AK9: variants seen among roughly 807,000 people sequenced by gnomAD.
The protein encoded by AK9 is adenylate kinase domain containing 1.
A neutral mutation model predicts 239.6 loss-of-function variants in AK9; 191 were observed. The ratio of observed to expected loss-of-function variants is 0.80; its 90% CI spans 0.71 to 0.90. AK9 has a LOEUF of 0.90. Ranked by LOEUF, AK9 falls within the 40% of genes least tolerant of loss-of-function variation. AK9 has a pLI of 0.00. For synonymous variants in AK9, 689 were observed against 721.0 expected (o/e 0.96, Z 0.71); for missense variants, 1,995 against 2,214.7 (o/e 0.90, Z 1.99).
At position 109,516,588 on chromosome 6, in the gene AK9, C is replaced by T; in HGVS notation, c.3688G>A (p.Asp1230Asn). 1 of 1,550,918 alleles carries T rather than the reference C, an allele frequency of 6.4e-7. No homozygotes were observed. The highest frequency in any genetic ancestry group is 8.7e-7 in the Non-Finnish European group (1 of 1,146,882). The change falls in exon 30 of 41, where the codon GAT becomes AAT. Residue 1230 changes from aspartate to asparagine, a missense_variant. Physicochemically the swap from Asp to Asn is conservative, Grantham distance 23. This residue lies in a region of AK9 where 1,290 missense variants were observed against 1,392.7 expected (regional missense o/e 0.93). Transcript: ENST00000424296. ...TCTTCAAGGATGTTTTCAATATCAT[C>T]ATTGTCTTCTTCAAGTTCTTCCTCA... The part of the protein sequence containing the change: ...ISEEELEEDN[D>N]DIENILEDEF...
chr6:109,516,553 T>A lies in AK9; in HGVS notation c.3723A>T (p.Pro1241=), dbSNP rs1301107831. ...DIENILEDEF[P]KDEEEMSGEE... is the part of the protein sequence containing the mutation. The stretch of plus-strand genomic sequence containing the variant: ...CGCCACTCATCTCTTCCTCATCTTT[T>A]GGAAACTCATCTTCAAGGATGTTTT... The change falls in exon 30 of 41, where the codon CCA becomes CCT. Residue 1241 remains proline (P), a synonymous_variant. Transcript: ENST00000424296. 1 of 1,551,584 alleles carries A rather than the reference T, an allele frequency of 6.4e-7. No homozygotes were observed. The highest frequency in any genetic ancestry group is 2.4e-5 in the East Asian group (1 of 40,908).
At chr6:109,660,722 C>A (rs906519510) in intron 6 of AK9, among the ~76,000 whole-genome samples, 9 of 152,118 alleles carry the variant, frequency 5.9e-5, no homozygotes, top group Non-Finnish European at 1.5e-5. Flanking sequence ...AAGTGTGAGT[C>A]TGAAGGATAT....
At chr6:109,566,842 C>T (rs956271940) in intron 21 of AK9, among the ~76,000 whole-genome samples, 41 of 152,084 alleles carry the variant, frequency 2.7e-4, no homozygotes, top group African/African-American at 8.2e-4. Context: ...GGGTACATAA[C>T]GAAATGAAGG....
intron 12 of AK9, among the ~76,000 whole-genome samples, chr6:109,624,966 TTA>T (rs1479313228): frequency 3.9e-5 from 6 of 152,274 alleles, no homozygotes; most frequent in Admixed American, 3.9e-4. Flanking sequence ...TTCATTTGTG[TTA>T]TATTTTCTTT....
At chr6:109,553,121 T>C (rs1366865593) in intron 24 of AK9, among the ~76,000 whole-genome samples, 2 of 152,244 alleles carry the variant, frequency 1.3e-5, no homozygotes, top group South Asian at 4.1e-4. Flanking sequence ...TGCAGCAAGC[T>C]TGAAGTCAGG....
chr6:109,569,324 A>T (rs571769599), intron 21 of AK9, among the ~76,000 whole-genome samples: 1 of 152,326 alleles, frequency 6.6e-6, no homozygotes, highest in South Asian at 2.1e-4. Flanking sequence ...AACCATAAAA[A>T]CCCTAGAAAC....
chr6:109,521,473 T>C (rs528949598), intron 29 of AK9, among the ~76,000 whole-genome samples: 24 of 152,206 alleles, frequency 1.6e-4, no homozygotes, highest in African/African-American at 5.5e-4. Flanking sequence ...AAGATGTCCT[T>C]ACTCTTCCTT....
chr6:109,567,980 G>A (rs1786827587), intron 21 of AK9, among the ~76,000 whole-genome samples: 2 of 150,998 alleles, frequency 1.3e-5, no homozygotes, highest in South Asian at 4.2e-4. Context: ...AACAAAAAAA[G>A]AGAATTTTAG....
intron 26 of AK9, among the ~76,000 whole-genome samples, chr6:109,543,688 T>G (rs1381281476): frequency 6.6e-6 from 1 of 152,118 alleles, no homozygotes; most frequent in African/African-American, 2.4e-5. Context: ...CCTCAAGTGA[T>G]CTGCCTGCCT....
At chr6:109,643,919 T>C (rs949525039) in intron 9 of AK9, among the ~76,000 whole-genome samples, 1 of 152,328 alleles carries the variant, frequency 6.6e-6, no homozygotes, top group East Asian at 1.9e-4. Context: ...TATTTAAACA[T>C]AGTTTCAGAC....
intron 23 of AK9, 104 bp downstream of exon 23, chr6:109,563,976 T>C: frequency 8.2e-7 from 1 of 1,212,384 alleles, no homozygotes; most frequent in Non-Finnish European, 1.1e-6. Context: ...TTGGATATAC[T>C]GAACATTTAC....
chr6:109,498,620 G>T (rs1373635300), intron 36 of AK9, among the ~76,000 whole-genome samples: 7 of 152,226 alleles, frequency 4.6e-5, no homozygotes, highest in African/African-American at 1.4e-4. Flanking sequence ...TATACAAAGA[G>T]TTCTAGTGAT....
chr6:109,638,749 C>G, intron 10 of AK9, among the ~76,000 whole-genome samples: 1 of 152,086 alleles, frequency 6.6e-6, no homozygotes, highest in East Asian at 1.9e-4. Flanking sequence ...TCTGATGCAC[C>G]CATCAACTTG....
intron 25 of AK9, among the ~76,000 whole-genome samples, chr6:109,549,444 G>C (rs1784026931): frequency 6.6e-6 from 1 of 152,092 alleles, no homozygotes; most frequent in African/African-American, 2.4e-5. Context: ...CCATCATCCT[G>C]CTCTGCTCTG....
intron 1 of AK9, among the ~76,000 whole-genome samples, chr6:109,683,165 G>A (rs916611484): frequency 2.6e-5 from 4 of 152,154 alleles, no homozygotes; most frequent in African/African-American, 9.7e-5. Flanking sequence ...TATCTCAATA[G>A]ATGCAGAAAA....
intron 24 of AK9, among the ~76,000 whole-genome samples, chr6:109,555,202 G>A (rs966654311): frequency 2.0e-5 from 3 of 152,096 alleles, no homozygotes; most frequent in African/African-American, 7.2e-5. Context: ...AGAGATTCTT[G>A]TACATTGTCT....
intron 10 of AK9, among the ~76,000 whole-genome samples, chr6:109,640,309 T>C (rs1797243094): frequency 6.6e-6 from 1 of 151,838 alleles, no homozygotes; most frequent in African/African-American, 2.4e-5. Flanking sequence ...TTGTGGGGAG[T>C]GTCCTGTTTT....
rs774061625 is a variant in AK9, at chr6:109,533,345, C to G, written c.3476G>C (p.Arg1159Pro). Residue 1159 changes from arginine (R) to proline (P), a missense_variant, in exon 28 of 41, where the codon CGC (arginine) becomes CCC (proline). Coordinates refer to ENST00000424296, the MANE Select transcript of AK9 (RefSeq NM_001145128.3). ...CTTTTCAATTTGGGCAGGAAGGAGG[C>G]GATCAAAAATATCTTGATCATCAAC... ...IQVDDQDIFDRLLPAQIEKWK... is the reference protein window; with the variant it reads ...IQVDDQDIFDPLLPAQIEKWK... The G allele has an allele frequency of 3.1e-6, 5 of 1,611,106 alleles. No individual in the cohort carries two copies. The highest frequency in any genetic ancestry group is 4.2e-6 in the Non-Finnish European group (5 of 1,178,810).
chr6:109,558,838 T>C (rs1178634293), intron 24 of AK9, among the ~76,000 whole-genome samples: 6 of 150,896 alleles, frequency 4.0e-5, no homozygotes, highest in African/African-American at 1.5e-4. Context: ...TAATATTAAG[T>C]CTTCTGACCT....
Sources: allele counts gnomAD v4.1 joint callset (sites outside exome capture counted in the v4.1 genomes callset), GRCh38; gene constraint gnomAD v4.1.1; regional missense constraint gnomAD v4.1.1; transcripts MANE v1.5; gene names NCBI Gene and HGNC (gene_info 2026-07-23, HGNC 2026-07-21).